Variants in COQ7 observed in about 807,000 individuals in gnomAD.
The protein encoded by COQ7 is coenzyme Q7, hydroxylase.
Under a neutral mutation model 25.0 loss-of-function variants are expected in COQ7, and 21 were observed. The ratio of observed to expected loss-of-function variants is 0.84; its 90% confidence interval spans 0.60 to 1.21. The LOEUF (loss-of-function observed/expected upper bound fraction) is 1.21, where lower values mean the gene tolerates loss of function less well. Among genes scored for constraint, COQ7 ranks in the 50% most tolerant of loss-of-function variants. COQ7 has a pLI of 0.00. For missense variants in COQ7, 311 were observed against 296.2 expected, an observed-to-expected ratio of 1.05 and a Z score of -0.37; for synonymous variants, 125 against 112.4, an observed-to-expected ratio of 1.11 and a Z score of -0.71.
rs67523316 is a variant in COQ7 at position 19,069,409 on chromosome 16, C to CTT, written c.73+1690_73+1691dup. 9.9e-3 allele frequency among the ~76,000 whole-genome samples: 1,178 copies of CTT among 119,294 alleles called. 32 individuals carry two copies. Among genetic ancestry groups the CTT allele is most frequent in the Non-Finnish European group, 0.014 (824 of 59,868 alleles). The allele number at this position is 119,294 out of a possible 152,430, so 78.3% of individuals were successfully genotyped here. A position where few individuals can be genotyped will look rare whatever the true frequency, so the allele number is the denominator to read the frequency against. On this transcript the variant is annotated intron_variant, in intron 1 of 5. Transcript: ENST00000321998. ...AAAAAGGAAAGAGCCTGATTATTGC[C>CTT]TTTTTTTTTTTTTTTTTTTGAGGCA...
intron 1 of COQ7, 178 bp downstream of exon 1, chr16:19,067,915 T>A (rs1361389946): frequency 6.8e-7 from 1 of 1,480,230 alleles, no homozygotes; most frequent in Non-Finnish European, 8.9e-7. Flanking sequence ...GGGTCTGTAG[T>A]TAGCGGCGAG....
intron 5 of COQ7, among the ~76,000 whole-genome samples, chr16:19,077,680 C>T (rs1415496278): frequency 8.4e-5 from 12 of 143,190 alleles, no homozygotes; most frequent in Non-Finnish European, 1.5e-4. Flanking sequence ...CCTCCTCCTT[C>T]CAGGTTCAAG....
In COQ7 at chr16:19,072,051, T is replaced by A. The variant is rs548875504; in HGVS notation, c.197T>A (p.Ile66Asn). ...GCAGGCGAATATGGAGCAAACCGCA[T>A]CTATGCCGGGCAGATGGCTGTCCTG... ...DHAGEYGANR[I>N]YAGQMAVLGR... The change falls in exon 2 of 6, where the codon ATC becomes AAC. Residue 66 changes from isoleucine (I) to asparagine (N), a missense_variant. By Grantham distance (149) the Ile-to-Asn change is moderately radical. Transcript: ENST00000321998. 3.9e-5 allele frequency: 63 copies of A among 1,614,054 alleles called. No homozygotes were observed. Among genetic ancestry groups the A allele is most frequent in the Non-Finnish European group, 5.2e-5 (61 of 1,180,036 alleles).
At chr16:19,068,920 T>C (rs760775102) in intron 1 of COQ7, 2 of 444,446 alleles carry the variant, frequency 4.5e-6, no homozygotes, top group South Asian at 1.6e-5. Flanking sequence ...TAAAAAGTTA[T>C]GAAATTGTAT....
At chr16:19,071,496 A>T (rs1238209192) in intron 1 of COQ7, among the ~76,000 whole-genome samples, 2 of 152,246 alleles carry the variant, frequency 1.3e-5, no homozygotes, top group African/African-American at 4.8e-5. Context: ...GAGAAGACTT[A>T]TGCACAGAGC....
chr16:19,067,781 G>A, intron 1 of COQ7, 44 bp downstream of exon 1: 1 of 1,576,306 alleles, frequency 6.3e-7, no homozygotes, highest in Non-Finnish European at 8.5e-7. Context: ...GGTCTAGCGA[G>A]CTAGGGAATT....
At chr16:19,077,864 T>C (rs1303072994) in intron 5 of COQ7, among the ~76,000 whole-genome samples, 2 of 152,104 alleles carry the variant, frequency 1.3e-5, no homozygotes. Context: ...AGGAGCTTCA[T>C]TTCCTTTCCT....
intron 2 of COQ7, 34 bp from the exon 3 acceptor site, chr16:19,073,887 T>A: frequency 6.5e-7 from 1 of 1,544,402 alleles, no homozygotes; most frequent in Non-Finnish European, 8.9e-7. Flanking sequence ...CTCTATGGAA[T>A]GCTTGCATGT....
intron 1 of COQ7, chr16:19,068,758 G>A: frequency 5.7e-6 from 2 of 352,666 alleles, no homozygotes; most frequent in South Asian, 4.3e-5. Context: ...AGTACTGCTT[G>A]AACTTTTGAT....
intron 2 of COQ7, 50 bp downstream of exon 2, chr16:19,072,156 C>A: frequency 6.2e-7 from 1 of 1,601,038 alleles, no homozygotes; most frequent in Admixed American, 1.7e-5. Context: ...TGGGCAGATC[C>A]AAAGGACTTC....
At chr16:19,074,783 A>G (rs370123131) in intron 3 of COQ7, among the ~76,000 whole-genome samples, 1 of 152,236 alleles carries the variant, frequency 6.6e-6, no homozygotes, top group East Asian at 1.9e-4. Flanking sequence ...GCCTCAAGCC[A>G]TCTTCCCTCT....
intron 4 of COQ7, among the ~76,000 whole-genome samples, chr16:19,076,659 C>T (rs957285371): frequency 6.8e-6 from 1 of 147,808 alleles, no homozygotes; most frequent in African/African-American, 2.5e-5. Flanking sequence ...CAGTGGTCTC[C>T]GCCTGCATTG....
At chr16:19,077,501 G>A (rs760229560) in intron 5 of COQ7, 127 bp downstream of exon 5, 13 of 665,006 alleles carry the variant, frequency 2.0e-5, no homozygotes, top group Non-Finnish European at 2.9e-5. Flanking sequence ...AACCAATGAC[G>A]TTGCTTTGAC....
At chr16:19,068,809 A>C in intron 1 of COQ7, 1 of 443,858 alleles carries the variant, frequency 2.3e-6, no homozygotes, top group Non-Finnish European at 4.5e-6. Flanking sequence ...CCCATTTAAA[A>C]ATTAAATTAA....
Sources: gnomAD v4.1 joint callset for allele counts (sites outside exome capture counted in the v4.1 genomes callset) on GRCh38, gnomAD v4.1.1 for gene constraint, MANE v1.5 for transcripts, NCBI Gene and HGNC (gene_info 2026-07-23, HGNC 2026-07-21) for gene names.